CHLSN: variants seen among roughly 807,000 people sequenced by gnomAD.
The protein encoded by CHLSN is protein cholesin.
chr7:1,093,725 G>T, the CHLSN span: 3 of 464,716 alleles, frequency 6.5e-6, no homozygotes, highest in African/African-American at 6.0e-5. Context: ...CTGCGGTGAT[G>T]ATGTAAAAAC....
the CHLSN span, among the ~76,000 whole-genome samples, chr7:1,014,626 C>T: frequency 2.6e-5 from 4 of 152,274 alleles, no homozygotes; most frequent in South Asian, 2.1e-4. Context: ...CAACAGGAAA[C>T]GTGGGACAAA....
chr7:1,011,672 A>G, the CHLSN span, among the ~76,000 whole-genome samples: 1 of 148,678 alleles, frequency 6.7e-6, no homozygotes, highest in Admixed American at 6.7e-5. Context: ...ACACACCCAG[A>G]GACACCCACA....
chr7:1,004,649 G>C, the CHLSN span, among the ~76,000 whole-genome samples: 1 of 152,210 alleles, frequency 6.6e-6, no homozygotes, highest in Non-Finnish European at 1.5e-5. Context: ...GGGGTGCTCA[G>C]TGTCGCCTGT....
At chr7:1,053,812 G>A in the CHLSN span, among the ~76,000 whole-genome samples, 4 of 152,226 alleles carry the variant, frequency 2.6e-5, no homozygotes, top group African/African-American at 9.6e-5. Context: ...GGGCAACAGA[G>A]CGAGACTCCA....
At chr7:1,062,656 C>T in the CHLSN span, among the ~76,000 whole-genome samples, 1 of 152,168 alleles carries the variant, frequency 6.6e-6, no homozygotes, top group African/African-American at 2.4e-5. Flanking sequence ...CTTCTGTGGC[C>T]CTGAGGATGG....
chr7:1,004,955 G>A, the CHLSN span, among the ~76,000 whole-genome samples: 1 of 152,192 alleles, frequency 6.6e-6, no homozygotes, highest in Non-Finnish European at 1.5e-5. Context: ...GTACTCACCA[G>A]CTGGGTGGAG....
the CHLSN span, among the ~76,000 whole-genome samples, chr7:1,019,552 C>T: frequency 6.6e-6 from 1 of 152,218 alleles, no homozygotes; most frequent in Non-Finnish European, 1.5e-5. Context: ...AACAGTGAAG[C>T]CCTGAGTCCA....
At chr7:988,435 G>A in the CHLSN span, 3 of 1,612,006 alleles carry the variant, frequency 1.9e-6, no homozygotes, top group South Asian at 1.1e-5. Context: ...AGCCCTCGGG[G>A]CCGGGGTGGG....
At chr7:1,013,890 C>T in the CHLSN span, among the ~76,000 whole-genome samples, 6 of 152,234 alleles carry the variant, frequency 3.9e-5, no homozygotes, top group African/African-American at 9.6e-5. Context: ...CTGTCTCCTG[C>T]GGTTAGATGT....
chr7:981,446 A>C, the CHLSN span, among the ~76,000 whole-genome samples: 2 of 151,980 alleles, frequency 1.3e-5, no homozygotes, highest in Non-Finnish European at 2.9e-5. Context: ...TCTCTAAAAG[A>C]AACTTACAAA....
At chr7:1,057,498 G>C in the CHLSN span, 1 of 755,104 alleles carries the variant, frequency 1.3e-6, no homozygotes, top group Admixed American at 1.7e-5. Flanking sequence ...GCAGGGTCGC[G>C]GAGCCTCGCC....
the CHLSN span, chr7:1,091,764 G>C: frequency 7.1e-6 from 11 of 1,556,734 alleles, no homozygotes; most frequent in Non-Finnish European, 9.6e-6. Flanking sequence ...GCGTGGGCCT[G>C]GAGATGTACC....
At chr7:1,080,594 C>A in the CHLSN span, among the ~76,000 whole-genome samples, 1 of 152,232 alleles carries the variant, frequency 6.6e-6, no homozygotes, top group African/African-American at 2.4e-5. Context: ...GCGCTGCCTG[C>A]GAGCACCGTG....
the CHLSN span, among the ~76,000 whole-genome samples, chr7:1,028,071 G>C: frequency 6.6e-6 from 1 of 151,962 alleles, no homozygotes; most frequent in East Asian, 1.9e-4. Context: ...CCGGCGCGCA[G>C]CGGAGCCCCG....
chr7:986,533 G>A, the CHLSN span: 82 of 1,477,282 alleles, frequency 5.6e-5, no homozygotes, highest in Middle Eastern at 6.4e-4. Flanking sequence ...GTCCCTGGGC[G>A]TGAACACAGC....
the CHLSN span, chr7:1,010,042 CTCTT>C: frequency 6.2e-7 from 1 of 1,611,242 alleles, no homozygotes; most frequent in Non-Finnish European, 8.5e-7. Context: ...GCTGCCTCTC[CTCTT>C]TCTTCCGTTC....
chr7:1,067,281 C>T, the CHLSN span, among the ~76,000 whole-genome samples: 13 of 83,078 alleles, frequency 1.6e-4, no homozygotes, highest in Non-Finnish European at 3.1e-4. Context: ...CCCAGAGGTG[C>T]GGGTTTGGGG....
chr7:1,072,987 G>A, the CHLSN span, among the ~76,000 whole-genome samples: 2 of 152,176 alleles, frequency 1.3e-5, no homozygotes, highest in African/African-American at 4.8e-5. Context: ...GCCTTCAAAA[G>A]TTCTTCTTGG....
chr7:1,033,823 GAGACACCCAGGA>G, the CHLSN span, among the ~76,000 whole-genome samples: 1 of 151,970 alleles, frequency 6.6e-6, no homozygotes, highest in African/African-American at 2.4e-5. Flanking sequence ...GTGAGGGGAG[GAGACACCCAGGA>G]AATCAGTAAT....
Sources: allele counts gnomAD v4.1 joint callset (sites outside exome capture counted in the v4.1 genomes callset), GRCh38; gene constraint gnomAD v4.1.1; transcripts MANE v1.5; gene names NCBI Gene and HGNC (gene_info 2026-07-23, HGNC 2026-07-21).